TRPC6: variants seen among roughly 807,000 people sequenced by gnomAD.
TRPC6 encodes the protein short transient receptor potential channel 6.
Under a neutral mutation model 90.7 loss-of-function variants are expected in TRPC6, and 55 were observed. The observed-to-expected ratio is 0.61, with a 90% CI of 0.49 to 0.76. TRPC6 has a LOEUF of 0.76. Among genes scored for constraint, TRPC6 ranks in the 30% least tolerant of loss-of-function variants. The pLI, the probability that TRPC6 is intolerant of heterozygous loss-of-function variation, is 0.00. For missense variants in TRPC6, 989 were observed against 1,122.7 expected (o/e 0.88, Z 1.70); for synonymous variants, 393 against 393.0 (o/e 1.00, Z 0.00).
intron 1 of TRPC6, among the ~76,000 whole-genome samples, chr11:101,577,135 C>T (rs1862087282): frequency 6.6e-6 from 1 of 152,080 alleles, no homozygotes; most frequent in African/African-American, 2.4e-5. Context: ...CCTGGAAGAG[C>T]AAGCTTCCAC....
At chr11:101,510,697 G>A (rs1860375783) in intron 1 of TRPC6, among the ~76,000 whole-genome samples, 2 of 152,090 alleles carry the variant, frequency 1.3e-5, no homozygotes, top group Non-Finnish European at 2.9e-5. Flanking sequence ...CATTTTCCTG[G>A]TCCTTTTAGT....
intron 2 of TRPC6, among the ~76,000 whole-genome samples, chr11:101,501,010 ATAGG>A (rs1160564950): frequency 6.6e-6 from 1 of 152,118 alleles, no homozygotes; most frequent in African/African-American, 2.4e-5. Flanking sequence ...AAGACAAAAA[ATAGG>A]TATCAATTTT....
chr11:101,568,738 C>T (rs144529493), intron 1 of TRPC6, among the ~76,000 whole-genome samples: 2,505 of 152,284 alleles, frequency 0.016, 72 homozygotes, highest in South Asian at 0.067. Context: ...AATTTTCAAA[C>T]CAGAATTTCA....
chr11:101,525,242 G>C lies in TRPC6; in HGVS notation c.171-20444C>G, dbSNP rs190254480. ...TTGGCTTTGGAGTCAAATGGACTTT[G>C]GCTCGAATCCTAGCTTATGAGTTAT... On this transcript the variant is annotated intron_variant, in intron 1 of 12. Coordinates refer to ENST00000344327, the MANE Select transcript of TRPC6 (RefSeq NM_004621.6). Among the ~76,000 whole-genome samples the C allele has an allele frequency of 3.3e-5, 5 of 152,326 alleles. No homozygotes were observed. The East Asian group carries it at 9.7e-4, about 29-fold the overall frequency.
rs780501413 is a variant in TRPC6 at position 101,473,631 on chromosome 11, T to TG, written c.1886_1887insC (p.Arg629SerfsTer38). 2.5e-6 allele frequency: 4 copies of TG among 1,613,836 alleles called. No individual in the cohort carries two copies. The highest frequency in any genetic ancestry group is 3.4e-6 in the Non-Finnish European group (4 of 1,179,812). Reference sequence around the variant, plus strand: ...TGAACTTGAAGATGTCTTTGACTGTTCTTCCAAGTGATATCTGCAGAGGTC... The same window carrying TG: ...TGAACTTGAAGATGTCTTTGACTGTTGCTTCCAAGTGATATCTGCAGAGGTC... On this transcript the variant is annotated frameshift_variant, in exon 7 of 13. Transcript: ENST00000344327. LOFTEE classifies it high-confidence loss of function.
At chr11:101,490,551 A>ATCTG (rs1418375152) in intron 3 of TRPC6, among the ~76,000 whole-genome samples, 1 of 152,166 alleles carries the variant, frequency 6.6e-6, no homozygotes, top group Admixed American at 6.5e-5. Context: ...CTGCCTCCAG[A>ATCTG]GTTCAGTGAT....
At chr11:101,470,514 C>CTT (rs1162886049) in intron 9 of TRPC6, among the ~76,000 whole-genome samples, 1 of 152,154 alleles carries the variant, frequency 6.6e-6, no homozygotes, top group Non-Finnish European at 1.5e-5. Flanking sequence ...CAGCAGAGAT[C>CTT]TTTGCATAGC....
At chr11:101,539,581 A>C (rs751890788) in intron 1 of TRPC6, among the ~76,000 whole-genome samples, 2 of 152,216 alleles carry the variant, frequency 1.3e-5, no homozygotes, top group Non-Finnish European at 2.9e-5. Context: ...TGGTTTTACT[A>C]AACAGTTACC....
rs562271788 is a variant in TRPC6, at chr11:101,564,743, G to C, written c.170+18591C>G. Among the ~76,000 whole-genome samples, 14 of 152,066 alleles carry C rather than the reference G, an allele frequency of 9.2e-5. No homozygotes were observed. The East Asian group carries it at 2.7e-3, about 29-fold the overall frequency. On this transcript the variant is annotated intron_variant, in intron 1 of 12. Transcript: ENST00000344327. Reference sequence around the variant, plus strand: ...TTCTAAAACGTATACAGAACAACAAGAGAATCCAAACAGCCAAAGTAATCT... The same window carrying C: ...TTCTAAAACGTATACAGAACAACAACAGAATCCAAACAGCCAAAGTAATCT...
chr11:101,556,300 T>C (rs1861559256), intron 1 of TRPC6, among the ~76,000 whole-genome samples: 1 of 149,078 alleles, frequency 6.7e-6, no homozygotes, highest in Non-Finnish European at 1.5e-5. Flanking sequence ...AAAGAAAAAA[T>C]CAACAAACCT....
In TRPC6 at chr11:101,465,998, G is replaced by A. The variant is rs547879414; in HGVS notation, c.2484+3429C>T. ...CTCTGATGGGGTCTCTTGAGTGGAC[G>A]TGCTATTCCTTTGTTAGTTTTCCTT... On this transcript the variant is annotated intron_variant, in intron 10 of 12. Coordinates refer to ENST00000344327, the MANE Select transcript of TRPC6 (RefSeq NM_004621.6). 3.3e-5 allele frequency among the ~76,000 whole-genome samples: 5 copies of A among 152,258 alleles called. No individual in the cohort carries two copies. The South Asian group carries it at 6.2e-4, about 19-fold the overall frequency.
rs1860202255 is a variant in TRPC6, at chr11:101,504,330, C to A, written c.639G>T (p.Gly213=). 6.2e-7 allele frequency: 1 copy of A among 1,613,872 alleles called. No homozygotes were observed. Among genetic ancestry groups the A allele is most frequent in the South Asian group, 1.1e-5 (1 of 91,086 alleles). Residue 213 remains glycine (G), a synonymous_variant, in exon 2 of 13, where the codon GGG becomes GGT. Transcript: ENST00000344327. The part of the protein sequence containing the change: ...QDDFYAYDED[G]TRFSHDVTPI... ...GAGTCACATCATGGGAGAACCGTGT[C>A]CCATCTTCATCATAGGCATAAAAAT...
At chr11:101,486,966 TTTTAA>T (rs1446930058) in intron 4 of TRPC6, among the ~76,000 whole-genome samples, 4 of 152,162 alleles carry the variant, frequency 2.6e-5, no homozygotes, top group Admixed American at 1.3e-4. Context: ...GACAATGTCC[TTTTAA>T]TTTGATTATT....
intron 7 of TRPC6, 88 bp downstream of exon 7, chr11:101,473,421 C>T (rs1859338954): frequency 1.3e-6 from 2 of 1,482,978 alleles, no homozygotes; most frequent in Non-Finnish European, 1.9e-6. Flanking sequence ...TTTACCAAAA[C>T]ATTATCCCAT....
At chr11:101,453,873 G>A (rs1858822559) in intron 11 of TRPC6, 148 bp from the exon 12 acceptor site, 2 of 765,672 alleles carry the variant, frequency 2.6e-6, no homozygotes, top group Admixed American at 4.3e-5. Flanking sequence ...CCAGGATGCA[G>A]GCGATCTCTA....
chr11:101,544,356 T>C (rs71462692), intron 1 of TRPC6, among the ~76,000 whole-genome samples: 15,222 of 152,188 alleles, frequency 0.1, 879 homozygotes, highest in Middle Eastern at 0.14. Flanking sequence ...GAAATACCAT[T>C]TGACTCAGCA....
intron 10 of TRPC6, among the ~76,000 whole-genome samples, chr11:101,461,620 G>A (rs963539773): frequency 1.3e-5 from 2 of 152,138 alleles, no homozygotes; most frequent in African/African-American, 4.8e-5. Context: ...ACCTTTTGGA[G>A]GTAAGCTATT....
chr11:101,573,756 A>G (rs1168457799), intron 1 of TRPC6, among the ~76,000 whole-genome samples: 1 of 152,076 alleles, frequency 6.6e-6, no homozygotes, highest in Admixed American at 6.6e-5. Flanking sequence ...CCTTCTTGCA[A>G]TCGCTGTCAG....
intron 6 of TRPC6, among the ~76,000 whole-genome samples, chr11:101,474,386 G>A (rs141094076): frequency 4.3e-4 from 66 of 151,794 alleles, no homozygotes; most frequent in African/African-American, 1.5e-3. Context: ...GATTTTTTTG[G>A]CATTATTACA....
Sources: allele counts gnomAD v4.1 joint callset (sites outside exome capture counted in the v4.1 genomes callset), GRCh38; gene constraint gnomAD v4.1.1; transcripts MANE v1.5; gene names NCBI Gene and HGNC (gene_info 2026-07-23, HGNC 2026-07-21).